The following ACTN1 variants were observed in gnomAD, a reference collection of about 807,000 sequenced individuals.
The protein encoded by ACTN1 is actinin alpha 1.
A neutral mutation model predicts 119.6 loss-of-function variants in ACTN1; 30 were observed. The ratio of observed to expected loss-of-function variants is 0.25; its 90% CI spans 0.19 to 0.34. The LOEUF (loss-of-function observed/expected upper bound fraction) is 0.34. Among genes scored for constraint, ACTN1 ranks in the 10% least tolerant of loss-of-function variants. ACTN1 has a pLI of 1.00. For synonymous variants in ACTN1, 429 were observed against 472.6 expected (o/e 0.91, Z 1.20); for missense variants, 764 against 1,223.4 (o/e 0.62, Z 5.60).
intron 6 of ACTN1, among the ~76,000 whole-genome samples, chr14:68,905,840 A>C (rs755510733): frequency 6.6e-4 from 100 of 152,026 alleles, no homozygotes; most frequent in Non-Finnish European, 8.4e-4. Context: ...AAAAATACAA[A>C]AATTAGCTGG....
chr14:68,877,227 A>T lies in ACTN1; in HGVS notation c.2441T>A (p.Phe814Tyr). 6.2e-7 allele frequency: 1 copy of T among 1,614,120 alleles called. No individual in the cohort carries two copies. The highest frequency in any genetic ancestry group is 8.5e-7 in the Non-Finnish European group (1 of 1,180,016). ...GTCCACAATGCTCATGATGCGGGCA[A>T]ATTCTGCTTCTCCCTGGAGGGAACA... ...SMGYNMGEAE[F>Y]ARIMSIVDPN... is the part of the protein sequence containing the mutation. The change falls in exon 21 of 22, where the codon TTT (phenylalanine) becomes TAT (tyrosine). Residue 814 changes from phenylalanine (F) to tyrosine (Y), a missense_variant. Phe to Tyr is a conservative substitution (Grantham distance 22). Coordinates refer to ENST00000394419, the MANE Select transcript of ACTN1 (RefSeq NM_001130004.2).
intron 1 of ACTN1, among the ~76,000 whole-genome samples, chr14:68,950,269 T>G (rs2036090116): frequency 7.5e-6 from 1 of 133,116 alleles, no homozygotes; most frequent in African/African-American, 3.0e-5. Context: ...ACTCCCAGTC[T>G]GGGTGACAGA....
chr14:68,892,831 G>A (rs1236114419), intron 9 of ACTN1, among the ~76,000 whole-genome samples: 1 of 152,170 alleles, frequency 6.6e-6, no homozygotes, highest in Non-Finnish European at 1.5e-5. Context: ...TGGTGGTGGA[G>A]AAGGTGGAGG....
chr14:68,914,476 C>G (rs897009512), intron 3 of ACTN1, among the ~76,000 whole-genome samples: 15 of 152,104 alleles, frequency 9.9e-5, no homozygotes, highest in African/African-American at 3.4e-4. Context: ...AGTTAAAAAA[C>G]AAAGTTAGGC....
chr14:68,892,371 C>T, intron 9 of ACTN1, 88 bp from the exon 10 acceptor site: 2 of 1,370,380 alleles, frequency 1.5e-6, no homozygotes, highest in Non-Finnish European at 2.0e-6. Context: ...CAACAGCCCT[C>T]CCACATGGGG....
chr14:68,909,416 A>G lies in ACTN1; in HGVS notation c.516-20T>C, dbSNP rs746578904. On this transcript the variant is annotated intron_variant, in intron 5 of 21. Coordinates refer to ENST00000394419, the MANE Select transcript of ACTN1 (RefSeq NM_001130004.2). The surrounding 1 kb of genome is among the most constrained non-coding windows in gnomAD (Gnocchi z 4.1). ...TTCCAGCTGCCCGGGGAGAGAGAAG[A>G]AGGAGCAGGCTGGTAAATGAGGCTG... The G allele has an allele frequency of 1.9e-6, 3 of 1,613,526 alleles. No homozygotes were observed. The South Asian group carries it at 3.3e-5, about 18-fold the overall frequency.
intron 14 of ACTN1, 153 bp from the exon 15 acceptor site, chr14:68,883,208 G>T: frequency 2.5e-6 from 2 of 785,934 alleles, no homozygotes; most frequent in Non-Finnish European, 4.0e-6. Context: ...GGCAGGTATG[G>T]CCACAGGAAG....
chr14:68,902,468 C>T lies in ACTN1; in HGVS notation c.762+9G>A. On this transcript the variant is annotated intron_variant, in intron 8 of 21. Transcript: ENST00000394419. ...GCTGGGCATGGAAGGAGCAGGGGGC[C>T]CCGGGTACCTTCTGGGCTCCAGAGA... 6.2e-7 allele frequency: 1 copy of T among 1,613,214 alleles called. No individual in the cohort carries two copies.
intron 11 of ACTN1, chr14:68,886,565 G>C (rs1162858129): frequency 6.6e-6 from 1 of 152,256 alleles, no homozygotes; most frequent in Non-Finnish European, 1.5e-5. Context: ...GGCCGAGGCG[G>C]GCAGATCACG....
intron 3 of ACTN1, among the ~76,000 whole-genome samples, chr14:68,917,474 A>G (rs1293380385): frequency 6.6e-6 from 1 of 152,220 alleles, no homozygotes; most frequent in Admixed American, 6.5e-5. Flanking sequence ...CACAGCCTTC[A>G]GCAGCCCAGG....
At chr14:68,887,393 T>C (rs2032106899) in intron 11 of ACTN1, 5 of 544,814 alleles carry the variant, frequency 9.2e-6, no homozygotes, top group African/African-American at 2.0e-5. Context: ...AAAAACAACA[T>C]GGCAACAGAA....
intron 4 of ACTN1, among the ~76,000 whole-genome samples, chr14:68,911,747 C>A (rs757465368): frequency 2.0e-5 from 3 of 152,166 alleles, no homozygotes; most frequent in Non-Finnish European, 2.9e-5. Context: ...CAGACCATGG[C>A]GGCCCTTGCA....
intron 1 of ACTN1, chr14:68,978,312 C>T (rs1017460386): frequency 2.3e-4 from 94 of 413,400 alleles, no homozygotes; most frequent in African/African-American, 1.8e-3. Context: ...GGTCTGCTGT[C>T]CTGACCCCGC....
At chr14:68,961,481 G>A (rs765059522) in intron 1 of ACTN1, among the ~76,000 whole-genome samples, 2 of 152,152 alleles carry the variant, frequency 1.3e-5, no homozygotes, top group Non-Finnish European at 2.9e-5. Context: ...AGCAAGTAAG[G>A]CAAGCAGAGG....
intron 11 of ACTN1, among the ~76,000 whole-genome samples, chr14:68,888,780 A>G (rs544535090): frequency 1.4e-4 from 21 of 152,236 alleles, no homozygotes; most frequent in Non-Finnish European, 2.4e-4. Flanking sequence ...CATGCGAGGG[A>G]TCTAGGTTGT....
rs1262851119 is a variant in ACTN1, at chr14:68,879,128, G to A, written c.2281-59C>T. 10 of 1,542,336 alleles carry A rather than the reference G, an allele frequency of 6.5e-6. No homozygotes were observed. In the East Asian group the frequency reaches 6.9e-5, roughly 11 times the overall value. The stretch of plus-strand genomic sequence containing the variant: ...CGGTGTCAGGGAGGTGGAGCCGTGA[G>A]GGGGGCATGCCCCGGGGGAGGGTGG... On this transcript the variant is annotated intron_variant, in intron 18 of 21. Coordinates refer to ENST00000394419, the MANE Select transcript of ACTN1 (RefSeq NM_001130004.2). This position sits in a 1 kb window ranked among gnomAD's most constrained non-coding sequence, Gnocchi z 4.9.
Position 68,878,616 on chromosome 14 carries a change from C to A in ACTN1, c.2362-93G>T, listed in dbSNP as rs1391080195. The A allele has an allele frequency of 6.3e-7, 1 of 1,581,812 alleles. No individual in the cohort carries two copies. The highest frequency in any genetic ancestry group is 8.6e-7 in the Non-Finnish European group (1 of 1,164,094). On this transcript the variant is annotated intron_variant, in intron 19 of 21. Transcript: ENST00000394419. This position sits in a 1 kb window ranked among gnomAD's most constrained non-coding sequence, Gnocchi z 4.4. ...GGGCCAGGAAGACAGGAACAGATGG[C>A]CAGAACGGGGATGAGATTTATGGTT... is the stretch of plus-strand genomic sequence containing the variant.
Position 68,878,973 on chromosome 14 carries a change from T to A in ACTN1, c.2361+16A>T. On this transcript the variant is annotated intron_variant, in intron 19 of 21. Transcript: ENST00000394419. The surrounding 1 kb of genome is among the most constrained non-coding windows in gnomAD (Gnocchi z 4.4). ...AGACGCCACCCCTGAGCGTGCTCCA[T>A]GCAGGAGGCGAGTACCTGGGGGTCG... 1 of 1,613,068 alleles carries A rather than the reference T, an allele frequency of 6.2e-7. No individual in the cohort carries two copies. The highest frequency in any genetic ancestry group is 8.5e-7 in the Non-Finnish European group (1 of 1,179,780).
rs1345535091 is a variant in ACTN1 at position 68,876,974 on chromosome 14, T to C, written c.2586+108A>G. On this transcript the variant is annotated intron_variant, in intron 21 of 21. Transcript: ENST00000394419. ...CAAACAAGGAGAGGCCAAAGGACCC[T>C]GGAAGAAGGGGCGGTTGAGGAGTTC... The C allele has an allele frequency of 3.6e-6, 5 of 1,378,838 alleles. No individual in the cohort carries two copies. In the African/African-American group the frequency reaches 4.4e-5, roughly 12 times the overall value. The allele number at this position is 1,378,838 out of a possible 1,614,324, so 85.4% of individuals were successfully genotyped here.
Sources: allele counts gnomAD v4.1 joint callset (sites outside exome capture counted in the v4.1 genomes callset), GRCh38; gene constraint gnomAD v4.1.1; non-coding constraint Gnocchi (gnomAD v3.1); transcripts MANE v1.5; gene names NCBI Gene and HGNC (gene_info 2026-07-23, HGNC 2026-07-21).